PIN4: variants seen among roughly 807,000 people sequenced by gnomAD.
The protein encoded by PIN4 is peptidylprolyl cis/trans isomerase, NIMA-interacting 4.
A neutral mutation model predicts 8.3 loss-of-function variants in PIN4; 3 were observed. The ratio of observed to expected loss-of-function variants is 0.36; its 90% CI spans 0.16 to 0.93. The LOEUF is 0.93. Ranked by LOEUF, PIN4 falls within the 40% of genes least tolerant of loss-of-function variation. The probability of loss-of-function intolerance (pLI) is 0.44; values close to 1 mark genes in which losing one functional copy is unlikely to be tolerated. For missense variants in PIN4, 75 were observed against 100.6 expected, an observed-to-expected ratio of 0.75 and a Z score of 1.09; for synonymous variants, 18 against 32.5, an observed-to-expected ratio of 0.55 and a Z score of 1.52.
chrX:72,212,275 A>C (rs192928132), intron 3 of PIN4, among the ~76,000 whole-genome samples: 3 of 109,556 alleles, frequency 2.7e-5, no homozygotes, highest in South Asian at 8.0e-4. Flanking sequence ...ATCTCAAAAA[A>C]AATAATAATA....
chrX:72,187,020 G>A (rs2042707116), intron 2 of PIN4, among the ~76,000 whole-genome samples: 1 of 112,413 alleles, frequency 8.9e-6, no homozygotes, highest in African/African-American at 3.2e-5. Context: ...ATTTTGTCAT[G>A]TACTTTCTCA....
intron 3 of PIN4, among the ~76,000 whole-genome samples, chrX:72,209,483 C>A (rs2042840202): frequency 8.9e-6 from 1 of 112,222 alleles, no homozygotes; most frequent in South Asian, 3.7e-4. Flanking sequence ...ACCCAAACTT[C>A]AAATCTGAAG....
Position 72,197,499 on chromosome X carries a change from T to C in PIN4, c.369T>C (p.His123=), listed in dbSNP as rs35470967. Residue 123 remains histidine (H), a synonymous_variant, in exon 4 of 4, where the codon CAT becomes CAC. Transcript: ENST00000373669. The part of the protein sequence containing the change: ...DPPVKTKFGY[H]IIMVEGRK ...CGGTTAAGACAAAATTTGGATATCA[T>C]ATTATTATGGTCGAAGGAAGAAAAT... 17,862 of 1,202,923 alleles carry C rather than the reference T, an allele frequency of 0.015. 112 individuals carry two copies. Among genetic ancestry groups the C allele is most frequent in the Non-Finnish European group, 0.017 (15,381 of 889,058 alleles).
chrX:72,237,522 CG>C (rs890990580), intron 3 of PIN4, among the ~76,000 whole-genome samples: 35 of 109,443 alleles, frequency 3.2e-4, no homozygotes, highest in Non-Finnish European at 5.5e-4. Flanking sequence ...GGCGTGAACC[CG>C]GAAGGCGGAG....
At chrX:72,189,778 C>T (rs1028665811) in intron 2 of PIN4, among the ~76,000 whole-genome samples, 1 of 111,536 alleles carries the variant, frequency 9.0e-6, no homozygotes, top group African/African-American at 3.3e-5. Flanking sequence ...TGATATTCAA[C>T]CTGTATCCCA....
intron 3 of PIN4, among the ~76,000 whole-genome samples, chrX:72,261,893 C>A (rs2043141418): frequency 9.0e-6 from 1 of 110,916 alleles, no homozygotes; most frequent in Non-Finnish European, 1.9e-5. Flanking sequence ...TTGTCATACA[C>A]CCTCATTCCC....
At chrX:72,182,150 T>C (rs2042676659) in intron 1 of PIN4, among the ~76,000 whole-genome samples, 1 of 112,785 alleles carries the variant, frequency 8.9e-6, no homozygotes, top group Non-Finnish European at 1.9e-5. Flanking sequence ...AAGTTCACTT[T>C]AATGCTTACA....
chrX:72,234,956 G>A, intron 3 of PIN4, among the ~76,000 whole-genome samples: 1 of 111,628 alleles, frequency 9.0e-6, no homozygotes, highest in Middle Eastern at 4.6e-3. Context: ...AGCATGAAGG[G>A]CCTGCTTGAC....
chrX:72,250,751 T>G (rs1189717623), intron 3 of PIN4, among the ~76,000 whole-genome samples: 1 of 100,519 alleles, frequency 9.9e-6, no homozygotes, highest in African/African-American at 3.6e-5. Flanking sequence ...TTTTTTTTTT[T>G]TTTTTTGAGA....
chrX:72,260,593 T>C (rs970829183), intron 3 of PIN4, among the ~76,000 whole-genome samples: 10 of 111,888 alleles, frequency 8.9e-5, no homozygotes, highest in African/African-American at 3.2e-4. Context: ...TCCAACTGCC[T>C]CCCAAGGCCC....
In PIN4 at chrX:72,255,016, G is replaced by T. The variant is rs574138125; in HGVS notation, c.313-7691G>T. On this transcript the variant is annotated intron_variant, in intron 3 of 3. Transcript: ENST00000423432. ...GGGCCAGCAGGAACCCCGCTCTGGC[G>T]GGGGATTCAGGCAGGCACCGGCTCA... 7.3e-5 allele frequency among the ~76,000 whole-genome samples: 8 copies of T among 109,850 alleles called. No homozygotes were observed. In the South Asian group the frequency reaches 3.3e-3, roughly 45 times the overall value.
At chrX:72,225,170 T>C (rs1480918585) in intron 3 of PIN4, among the ~76,000 whole-genome samples, 1 of 111,799 alleles carries the variant, frequency 8.9e-6, no homozygotes, top group African/African-American at 3.3e-5. Context: ...ATGCTTTTTT[T>C]ACTATTCCTC....
intron 3 of PIN4, among the ~76,000 whole-genome samples, chrX:72,209,240 C>G (rs1260477336): frequency 9.0e-6 from 1 of 111,259 alleles, no homozygotes; most frequent in Non-Finnish European, 1.9e-5. Context: ...TTAATCTCTC[C>G]TCAAGTTTTC....
At chrX:72,217,073 T>A (rs923368255) in intron 3 of PIN4, among the ~76,000 whole-genome samples, 1 of 112,268 alleles carries the variant, frequency 8.9e-6, no homozygotes, top group Non-Finnish European at 1.9e-5. Flanking sequence ...ACTGTTATGC[T>A]GTTTTTTTCC....
At chrX:72,225,221 C>T (rs917526906) in intron 3 of PIN4, among the ~76,000 whole-genome samples, 14 of 111,689 alleles carry the variant, frequency 1.3e-4, no homozygotes, top group Admixed American at 9.5e-5. Context: ...TCACTTAGAC[C>T]GACCCTGACA....
intron 2 of PIN4, among the ~76,000 whole-genome samples, chrX:72,191,620 A>G (rs1395633608): frequency 4.5e-5 from 5 of 111,930 alleles, no homozygotes; most frequent in Non-Finnish European, 7.5e-5. Flanking sequence ...GGGTTAAGAA[A>G]CACTCATCTA....
intron 3 of PIN4, among the ~76,000 whole-genome samples, chrX:72,256,362 T>C (rs1488197258): frequency 8.9e-6 from 1 of 111,902 alleles, no homozygotes; most frequent in Non-Finnish European, 1.9e-5. Context: ...GAGAACAAGT[T>C]CTGCAGTTGG....
chrX:72,223,515 G>A (rs926033328), intron 3 of PIN4, among the ~76,000 whole-genome samples: 42 of 105,930 alleles, frequency 4.0e-4, no homozygotes, highest in Non-Finnish European at 6.4e-4. Context: ...TCAGCCTCCC[G>A]AGTAGCTGGG....
chrX:72,207,270 C>T (rs776347272), intron 3 of PIN4: 1 of 1,209,084 alleles, frequency 8.3e-7, no homozygotes, highest in African/African-American at 1.7e-5. Context: ...TCTTAAAGTG[C>T]CTATTCTTTA....
Sources: gnomAD v4.1 joint callset for allele counts (sites outside exome capture counted in the v4.1 genomes callset) on GRCh38, gnomAD v4.1.1 for gene constraint, MANE v1.5 for transcripts, NCBI Gene and HGNC (gene_info 2026-07-23, HGNC 2026-07-21) for gene names.